GPHN: variants seen among roughly 807,000 people sequenced by gnomAD.
GPHN encodes gephyrin.
In GPHN, 17 loss-of-function variants were observed where a neutral mutation model predicts 95.5. The ratio of observed to expected loss-of-function variants is 0.18; its 90% confidence interval spans 0.12 to 0.27. The LOEUF is 0.27. Among genes scored for constraint, GPHN ranks in the 10% least tolerant of loss-of-function variants. GPHN has a pLI of 1.00. For missense variants in GPHN, 660 were observed against 978.1 expected, an observed-to-expected ratio of 0.67 and a Z score of 4.34; for synonymous variants, 320 against 322.5, an observed-to-expected ratio of 0.99 and a Z score of 0.08.
At position 67,181,040 on chromosome 14, in the gene GPHN, G is replaced by C; in HGVS notation, c.*103G>C. 3 of 1,041,318 alleles carry C rather than the reference G, an allele frequency of 2.9e-6. No individual in the cohort carries two copies. Among genetic ancestry groups the C allele is most frequent in the Non-Finnish European group, 4.5e-6 (3 of 670,410 alleles). The allele number at this position is 1,041,318 out of a possible 1,614,324, so 64.5% of individuals were successfully genotyped here. ...AGTTTTCCCGATTTGGATAAAAGTT[G>C]ATCTGTATAGTCAACATCTTGAACT... On this transcript the variant is annotated 3_prime_UTR_variant, in exon 23 of 23. Transcript: ENST00000478722.
chr14:66,548,756 G>A (rs574058784), intron 1 of GPHN, among the ~76,000 whole-genome samples: 3 of 152,310 alleles, frequency 2.0e-5, no homozygotes, highest in African/African-American at 4.8e-5. Flanking sequence ...AAATGGTTAA[G>A]CTTAGTGAGG....
At chr14:66,562,404 A>G (rs774099344) in intron 1 of GPHN, among the ~76,000 whole-genome samples, 9 of 152,200 alleles carry the variant, frequency 5.9e-5, no homozygotes, top group Middle Eastern at 6.3e-3. Flanking sequence ...ATATATACAT[A>G]TATCAAAACA....
intron 3 of GPHN, among the ~76,000 whole-genome samples, chr14:66,799,480 T>C (rs2060270099): frequency 6.6e-6 from 1 of 152,014 alleles, no homozygotes; most frequent in African/African-American, 2.4e-5. Context: ...GCATTATTTA[T>C]CTGAGTGCTC....
At chr14:66,529,543 C>T (rs998710634) in intron 1 of GPHN, among the ~76,000 whole-genome samples, 3 of 152,050 alleles carry the variant, frequency 2.0e-5, no homozygotes, top group Non-Finnish European at 4.4e-5. Context: ...GGAGAAGAGA[C>T]GTTCTGGTTT....
At chr14:66,885,941 C>G (rs2064168208) in intron 5 of GPHN, among the ~76,000 whole-genome samples, 1 of 149,640 alleles carries the variant, frequency 6.7e-6, no homozygotes, top group Non-Finnish European at 1.5e-5. Context: ...AATAAAATGA[C>G]AAAGCAAAGA....
the GPHN span, among the ~76,000 whole-genome samples, chr14:67,658,093 C>T: frequency 1.7e-4 from 26 of 151,986 alleles, no homozygotes; most frequent in African/African-American, 6.3e-4. Context: ...GACCAGTAGA[C>T]GAGGAAACCA....
At chr14:67,409,364 G>A in the GPHN span, among the ~76,000 whole-genome samples, 1 of 152,174 alleles carries the variant, frequency 6.6e-6, no homozygotes. Context: ...GCAACAGAGT[G>A]AGACCTCATC....
intron 10 of GPHN, among the ~76,000 whole-genome samples, chr14:67,057,008 C>T (rs2075608527): frequency 6.6e-6 from 1 of 152,176 alleles, no homozygotes; most frequent in South Asian, 2.1e-4. Flanking sequence ...CCACCCAGAA[C>T]TCGTGCTGGC....
chr14:67,204,020 C>T, the GPHN span, among the ~76,000 whole-genome samples: 175 of 152,220 alleles, frequency 1.1e-3, no homozygotes, highest in African/African-American at 3.6e-3. Context: ...CCCATTCAGA[C>T]GTTTTTATAC....
At chr14:67,398,920 T>C in the GPHN span, among the ~76,000 whole-genome samples, 3 of 152,258 alleles carry the variant, frequency 2.0e-5, 1 homozygote, top group South Asian at 4.1e-4. Context: ...GTAAAACATA[T>C]TTTTAATGAC....
At chr14:66,880,104 A>G (rs1412966330) in intron 5 of GPHN, 71 bp downstream of exon 5, 1 of 939,588 alleles carries the variant, frequency 1.1e-6, no homozygotes, top group African/African-American at 1.6e-5. Flanking sequence ...AAAAAAATCT[A>G]CACTTTGGCA....
intron 4 of GPHN, among the ~76,000 whole-genome samples, chr14:66,874,543 C>A (rs952948504): frequency 9.2e-5 from 14 of 152,106 alleles, no homozygotes; most frequent in Admixed American, 6.5e-4. Flanking sequence ...CTAGAATAAC[C>A]AGTTTAGAGA....
intron 1 of GPHN, among the ~76,000 whole-genome samples, chr14:66,556,033 A>T (rs2059995053): frequency 6.6e-6 from 1 of 152,172 alleles, no homozygotes; most frequent in Non-Finnish European, 1.5e-5. Flanking sequence ...CTCTTAGACT[A>T]CAAACCTGTA....
At chr14:67,302,471 C>A in the GPHN span, 5 of 1,598,586 alleles carry the variant, frequency 3.1e-6, no homozygotes, top group African/African-American at 6.7e-5. Context: ...AAAGGGGGTG[C>A]TGCAGAGAAA....
At chr14:67,097,646 C>G (rs1567326789) in intron 12 of GPHN, among the ~76,000 whole-genome samples, 1 of 152,166 alleles carries the variant, frequency 6.6e-6, no homozygotes, top group Non-Finnish European at 1.5e-5. Flanking sequence ...TTTCATGACT[C>G]TCCAGTGTAG....
chr14:66,539,409 C>CTT (rs1000117893), intron 1 of GPHN, among the ~76,000 whole-genome samples: 12,136 of 101,624 alleles, frequency 0.12, 1,212 homozygotes, highest in African/African-American at 0.23. Flanking sequence ...TTTCTACTTT[C>CTT]TTTTTTTTTT....
chr14:67,443,296 G>A, the GPHN span, among the ~76,000 whole-genome samples: 1 of 152,138 alleles, frequency 6.6e-6, no homozygotes, highest in East Asian at 1.9e-4. Context: ...TTTTATGACT[G>A]CATAAGACTT....
At chr14:66,597,384 T>C (rs1374412227) in intron 1 of GPHN, among the ~76,000 whole-genome samples, 5 of 152,176 alleles carry the variant, frequency 3.3e-5, no homozygotes, top group African/African-American at 2.4e-5. Context: ...TGGGTTAGTC[T>C]AAAATGCAGA....
In GPHN at chr14:67,089,094, T is replaced by C; in HGVS notation, c.1237+19T>C. On this transcript the variant is annotated intron_variant, in intron 12 of 22. Transcript: ENST00000478722. ...GTCCGAGGTAAATATTTTGGTTTTC[T>C]TAAACATAATCAGGCACTGTATTTT... 9.0e-7 allele frequency: 1 copy of C among 1,110,770 alleles called. No individual in the cohort carries two copies. The highest frequency in any genetic ancestry group is 1.4e-6 in the Non-Finnish European group (1 of 719,200). The allele number at this position is 1,110,770 out of a possible 1,614,324, so 68.8% of individuals were successfully genotyped here.
Sources: allele counts gnomAD v4.1 joint callset (sites outside exome capture counted in the v4.1 genomes callset), GRCh38; gene constraint gnomAD v4.1.1; transcripts MANE v1.5; gene names NCBI Gene and HGNC (gene_info 2026-07-23, HGNC 2026-07-21).